SPACA6: variants seen among roughly 807,000 people sequenced by gnomAD.
SPACA6 encodes the protein sperm acrosome associated 6.
For synonymous variants in SPACA6, 6 were observed against 1.5 expected (o/e 4.05, Z -2.21); for missense variants, 8 against 2.8 (o/e 2.88, Z -1.34).
At chr19:51,693,123 C>A, upstream of SPACA6, 1 of 390,310 alleles carries the variant, frequency 2.6e-6, no homozygotes, top group South Asian at 2.1e-5. Context: ...GTCTCTGCCC[C>A]TCCCGATATC....
At chr19:51,707,137 A>G (rs974946123), downstream of SPACA6, among the ~76,000 whole-genome samples, 11 of 152,192 alleles carry the variant, frequency 7.2e-5, no homozygotes, top group African/African-American at 2.2e-4. Context: ...AGAGATCCCA[A>G]TGAAGAAATC....
chr19:51,691,490 AAGAC>A (rs1271973997), upstream of SPACA6, among the ~76,000 whole-genome samples: 1 of 150,814 alleles, frequency 6.6e-6, no homozygotes, highest in Non-Finnish European at 1.5e-5. Flanking sequence ...GGGAGGATGA[AAGAC>A]AGAAGGTAGA....
chr19:51,710,081 GTC>G (rs1219271533), downstream of SPACA6, among the ~76,000 whole-genome samples: 2 of 152,076 alleles, frequency 1.3e-5, no homozygotes, highest in Non-Finnish European at 2.9e-5. Flanking sequence ...AAGAAAGGGT[GTC>G]AAAAAAAATA....
chr19:51,709,531 C>CA (rs56170768), downstream of SPACA6, among the ~76,000 whole-genome samples: 365 of 54,420 alleles, frequency 6.7e-3, 5 homozygotes, highest in Middle Eastern at 0.025. Context: ...AAAAAAAAGG[C>CA]AAAAAAAAAA....
downstream of SPACA6, chr19:51,705,294 G>C: frequency 2.5e-6 from 1 of 392,520 alleles, no homozygotes. Context: ...GACAGTGATA[G>C]GCATAGCTAT....
At chr19:51,699,269 G>C (rs893253432) in intron 2 of SPACA6, among the ~76,000 whole-genome samples, 1 of 152,122 alleles carries the variant, frequency 6.6e-6, no homozygotes, top group South Asian at 2.1e-4. Context: ...TCAGCCTCCC[G>C]AGTAGCTGTG....
At chr19:51,705,722 C>T (rs1487530503), downstream of SPACA6, among the ~76,000 whole-genome samples, 3 of 149,460 alleles carry the variant, frequency 2.0e-5, no homozygotes, top group East Asian at 5.9e-4. Flanking sequence ...TTGGAGGCAC[C>T]ATCTCACTCC....
intron 2 of SPACA6, among the ~76,000 whole-genome samples, chr19:51,711,288 G>A (rs2083540132): frequency 6.6e-6 from 1 of 152,112 alleles, no homozygotes; most frequent in Non-Finnish European, 1.5e-5. Flanking sequence ...AAGAGTTAAT[G>A]GAAGTCAACA....
chr19:51,690,401 A>G (rs1019044251), upstream of SPACA6, among the ~76,000 whole-genome samples: 3 of 151,928 alleles, frequency 2.0e-5, no homozygotes, highest in Non-Finnish European at 4.4e-5. Context: ...AGGCTCCGGC[A>G]TCTTTCTCCC....
downstream of SPACA6, among the ~76,000 whole-genome samples, chr19:51,707,385 G>A (rs975291398): frequency 2.6e-5 from 4 of 152,034 alleles, no homozygotes; most frequent in African/African-American, 7.2e-5. Context: ...ACCATGCCCA[G>A]CTAATTTTTG....
chr19:51,685,112 G>A (rs1326081084), upstream of SPACA6, among the ~76,000 whole-genome samples: 1 of 152,214 alleles, frequency 6.6e-6, no homozygotes, highest in East Asian at 1.9e-4. Flanking sequence ...AGGTTAAGGT[G>A]TCCTCCTGTC....
intron 2 of SPACA6, among the ~76,000 whole-genome samples, chr19:51,697,319 G>C (rs192339102): frequency 2.0e-5 from 3 of 152,178 alleles, no homozygotes; most frequent in African/African-American, 7.2e-5. Flanking sequence ...GTGAGAAGCC[G>C]GCCCATGGTG....
chr19:51,682,744 T>TA, the SPACA6 span, among the ~76,000 whole-genome samples: 1 of 152,152 alleles, frequency 6.6e-6, no homozygotes, highest in Non-Finnish European at 1.5e-5. Flanking sequence ...CTGAGCAGCT[T>TA]AAAACAACAG....
downstream of SPACA6, among the ~76,000 whole-genome samples, chr19:51,705,971 C>T (rs556876854): frequency 3.3e-5 from 5 of 152,312 alleles, no homozygotes; most frequent in African/African-American, 1.2e-4. Flanking sequence ...GCTGGGATTA[C>T]AGGCGTGAGC....
At chr19:51,699,233 T>C (rs937416235) in intron 2 of SPACA6, among the ~76,000 whole-genome samples, 1 of 152,184 alleles carries the variant, frequency 6.6e-6, no homozygotes, top group Non-Finnish European at 1.5e-5. Context: ...TGTCTCGAAC[T>C]CCTGGCCTCA....
upstream of SPACA6, chr19:51,689,330 G>C (rs1003177727): frequency 4.6e-5 from 7 of 151,082 alleles, no homozygotes; most frequent in African/African-American, 1.7e-4. Context: ...GAGGGGGCTG[G>C]TCCGACGGCC....
upstream of SPACA6, chr19:51,685,729 C>T (rs907797988): frequency 3.9e-5 from 6 of 152,170 alleles, no homozygotes; most frequent in Non-Finnish European, 8.8e-5. Flanking sequence ...GTTGCCCAGG[C>T]TGGTCTCAAA....
At chr19:51,688,044 G>A (rs2083337041), upstream of SPACA6, 1 of 152,398 alleles carries the variant, frequency 6.6e-6, no homozygotes, top group African/African-American at 2.4e-5. Flanking sequence ...AGCCTCAGCG[G>A]GGTCTGACAT....
At chr19:51,694,133 AGGAGAGGTTGGAGACT>A (rs1230360715) in intron 1 of SPACA6, 1 of 275,850 alleles carries the variant, frequency 3.6e-6, no homozygotes, top group African/African-American at 2.2e-5. Flanking sequence ...ATGGAGAGTC[AGGAGAGGTTGGAGACT>A]GGAGAGGGAA....
Sources: gnomAD v4.1 joint callset for allele counts (sites outside exome capture counted in the v4.1 genomes callset) on GRCh38, gnomAD v4.1.1 for gene constraint, MANE v1.5 for transcripts, NCBI Gene and HGNC (gene_info 2026-07-23, HGNC 2026-07-21) for gene names.